ITPR1: variants seen among roughly 807,000 people sequenced by gnomAD.
ITPR1 encodes the protein inositol 1,4,5-trisphosphate-gated calcium channel ITPR1.
A neutral mutation model predicts 318.4 loss-of-function variants in ITPR1; 96 were observed. That is an observed-to-expected ratio of 0.30 (90% CI 0.26 to 0.36). The LOEUF (loss-of-function observed/expected upper bound fraction) is 0.36. Ranked by LOEUF, ITPR1 falls within the 10% of genes least tolerant of loss-of-function variation. The pLI, the probability that ITPR1 is intolerant of heterozygous loss-of-function variation, is 1.00. For synonymous variants in ITPR1, 1,312 were observed against 1,289.9 expected (o/e 1.02, Z -0.37); for missense variants, 2,440 against 3,460.2 (o/e 0.71, Z 7.40).
intron 2 of ITPR1, among the ~76,000 whole-genome samples, chr3:4,512,063 C>T (rs1482151270): frequency 6.6e-6 from 1 of 152,164 alleles, no homozygotes; most frequent in Non-Finnish European, 1.5e-5. Context: ...TCACAGCTCA[C>T]TGCAGCCTGG....
chr3:4,663,180 A>T lies in ITPR1; in HGVS notation c.1528A>T (p.Met510Leu). The change falls in exon 16 of 62, where the codon ATG (methionine) becomes TTG (leucine). Residue 510 changes from methionine (M) to leucine (L), a missense_variant. This residue lies in a region of ITPR1 where 478 missense variants were observed against 696.3 expected (regional missense o/e 0.69). Transcript: ENST00000649015. Reference protein sequence around the residue: ...SKPNRERQKLMREQNILKQIF... With the variant: ...SKPNRERQKLLREQNILKQIF... ...GCCCAACAGAGAACGGCAGAAACTGATGAGAGAACAGAATATTCTCAAGCA... is the reference window on the plus strand; with the variant it reads ...GCCCAACAGAGAACGGCAGAAACTGTTGAGAGAACAGAATATTCTCAAGCA... 1 of 1,613,384 alleles carries T rather than the reference A, an allele frequency of 6.2e-7. No individual in the cohort carries two copies. The highest frequency in any genetic ancestry group is 8.5e-7 in the Non-Finnish European group (1 of 1,179,574).
chr3:4,616,271 T>C (rs1193730301), intron 4 of ITPR1, among the ~76,000 whole-genome samples: 1 of 152,252 alleles, frequency 6.6e-6, no homozygotes, highest in Non-Finnish European at 1.5e-5. Context: ...AATAGAATGA[T>C]TAATAGAGCA....
intron 4 of ITPR1, among the ~76,000 whole-genome samples, chr3:4,546,395 G>C (rs1014925115): frequency 2.0e-5 from 3 of 152,172 alleles, no homozygotes; most frequent in African/African-American, 7.2e-5. Context: ...CCAGCCAAAA[G>C]AGGATGACCT....
At chr3:4,763,841 C>T (rs1362296562) in intron 44 of ITPR1, among the ~76,000 whole-genome samples, 3 of 152,252 alleles carry the variant, frequency 2.0e-5, no homozygotes, top group Non-Finnish European at 2.9e-5. Context: ...CAGCGCGGTC[C>T]GTGGCAGGCT....
At chr3:4,495,431 T>C (rs953989064) in intron 2 of ITPR1, among the ~76,000 whole-genome samples, 2 of 152,228 alleles carry the variant, frequency 1.3e-5, no homozygotes, top group African/African-American at 4.8e-5. Flanking sequence ...AGTGCTTTTG[T>C]TTCCTGTTGA....
chr3:4,623,130 C>T (rs981491197), intron 4 of ITPR1, among the ~76,000 whole-genome samples: 2 of 152,194 alleles, frequency 1.3e-5, no homozygotes. Flanking sequence ...GCTCCCCTTG[C>T]TCCCATCTCC....
chr3:4,700,416 T>C (rs938298200), intron 35 of ITPR1, among the ~76,000 whole-genome samples: 1 of 152,218 alleles, frequency 6.6e-6, no homozygotes, highest in Non-Finnish European at 1.5e-5. Context: ...GTTGCTAATT[T>C]GTTGAACAAA....
At chr3:4,565,360 C>G (rs1165703832) in intron 4 of ITPR1, among the ~76,000 whole-genome samples, 3 of 152,202 alleles carry the variant, frequency 2.0e-5, no homozygotes, top group Admixed American at 2.0e-4. Flanking sequence ...AAAGGTTTCT[C>G]ATTGTGAGGT....
intron 12 of ITPR1, among the ~76,000 whole-genome samples, chr3:4,654,344 T>C (rs1018233239): frequency 1.3e-5 from 2 of 152,232 alleles, no homozygotes; most frequent in African/African-American, 4.8e-5. Flanking sequence ...ACCTGGCGTG[T>C]GATTAGATAC....
chr3:4,569,957 T>C (rs2087808214), intron 4 of ITPR1, among the ~76,000 whole-genome samples: 1 of 152,202 alleles, frequency 6.6e-6, no homozygotes, highest in South Asian at 2.1e-4. Context: ...ATTTTTAAAT[T>C]GTTGGTTGGT....
At chr3:4,530,880 G>C (rs189881754) in intron 4 of ITPR1, among the ~76,000 whole-genome samples, 1 of 152,182 alleles carries the variant, frequency 6.6e-6, no homozygotes, top group African/African-American at 2.4e-5. Flanking sequence ...TCTTCTCCTT[G>C]ACTCCTAATG....
At chr3:4,520,805 A>T (rs76617186) in intron 3 of ITPR1, among the ~76,000 whole-genome samples, 64 of 152,342 alleles carry the variant, frequency 4.2e-4, no homozygotes, top group Non-Finnish European at 6.3e-4. Context: ...AGCCACAGAA[A>T]ACAGTAGCCT....
intron 7 of ITPR1, 97 bp from the exon 8 acceptor site, chr3:4,644,039 T>C (rs1203691687): frequency 2.6e-6 from 2 of 769,854 alleles, no homozygotes; most frequent in African/African-American, 1.7e-5. Flanking sequence ...CCTTGCCTTC[T>C]TCAGCACAGA....
chr3:4,661,078 G>A lies in ITPR1; in HGVS notation c.1242G>A (p.Val414=), dbSNP rs2093821905. The A allele has an allele frequency of 6.3e-7, 1 of 1,595,646 alleles. No individual in the cohort carries two copies. The highest frequency in any genetic ancestry group is 1.7e-5 in the Admixed American group (1 of 59,928). ...IPIDKEEEKP[V]MLKIGTSPVK... ...TTGACAAGGAAGAAGAAAAGCCCGT[G>A]ATGCTGAAAGTAAGTCCTGGGACTT... The change falls in exon 14 of 62, where the codon GTG becomes GTA. Residue 414 remains valine, a synonymous_variant. Coordinates refer to ENST00000649015, the MANE Select transcript of ITPR1 (RefSeq NM_001378452.1).
At chr3:4,704,390 C>T (rs1364301985) in intron 36 of ITPR1, among the ~76,000 whole-genome samples, 4 of 152,146 alleles carry the variant, frequency 2.6e-5, no homozygotes, top group Non-Finnish European at 4.4e-5. Flanking sequence ...CCAGCCTGGG[C>T]GACAGGAGCG....
chr3:4,600,239 T>C (rs2091167660), intron 4 of ITPR1, among the ~76,000 whole-genome samples: 1 of 152,230 alleles, frequency 6.6e-6, no homozygotes, highest in African/African-American at 2.4e-5. Flanking sequence ...GGCAGATTTT[T>C]GGACATGCTG....
At chr3:4,777,936 G>A (rs929685015) in intron 48 of ITPR1, among the ~76,000 whole-genome samples, 5 of 152,204 alleles carry the variant, frequency 3.3e-5, no homozygotes, top group Non-Finnish European at 7.3e-5. Flanking sequence ...TGTGCCTGCG[G>A]GCCTCTGCTG....
chr3:4,717,077 T>C (rs1200283613), intron 39 of ITPR1, among the ~76,000 whole-genome samples: 5 of 152,252 alleles, frequency 3.3e-5, no homozygotes, highest in Non-Finnish European at 5.9e-5. Context: ...CATGTTTTCA[T>C]GTCCACAAGC....
chr3:4,713,895 A>G (rs991780555), intron 39 of ITPR1, among the ~76,000 whole-genome samples: 4 of 152,214 alleles, frequency 2.6e-5, no homozygotes, highest in African/African-American at 9.6e-5. Context: ...GGAAAATGCC[A>G]TGAAAGCAAG....
Sources: gnomAD v4.1 joint callset for allele counts (sites outside exome capture counted in the v4.1 genomes callset) on GRCh38, gnomAD v4.1.1 for gene constraint, gnomAD v4.1.1 regional missense constraint, MANE v1.5 for transcripts, NCBI Gene and HGNC (gene_info 2026-07-23, HGNC 2026-07-21) for gene names.